Variants in BTBD9 observed in about 807,000 individuals in gnomAD.
BTBD9 encodes the protein BTB domain containing 9.
A neutral mutation model predicts 64.3 loss-of-function variants in BTBD9; 49 were observed. The ratio of observed to expected loss-of-function variants is 0.76; its 90% confidence interval spans 0.61 to 0.97. The LOEUF is 0.97. BTBD9 is among the 50% of genes least tolerant of loss of function. The pLI is 0.00. For synonymous variants in BTBD9, 260 were observed against 274.7 expected, an observed-to-expected ratio of 0.95 and a Z score of 0.53; for missense variants, 598 against 762.1, an observed-to-expected ratio of 0.78 and a Z score of 2.53.
chr6:38,241,769 T>C (rs1764000048), intron 9 of BTBD9, among the ~76,000 whole-genome samples: 1 of 152,214 alleles, frequency 6.6e-6, no homozygotes, highest in Non-Finnish European at 1.5e-5. Context: ...ATATGCTTTA[T>C]AGAGCTTGGC....
intron 4 of BTBD9, chr6:38,588,658 T>C (rs1776655191): frequency 4.8e-6 from 1 of 208,540 alleles, no homozygotes; most frequent in African/African-American, 2.3e-5. Flanking sequence ...TTTGTTGCTG[T>C]TAATTGAAAG....
At chr6:38,257,822 G>C (rs967723387) in intron 8 of BTBD9, among the ~76,000 whole-genome samples, 1 of 152,008 alleles carries the variant, frequency 6.6e-6, no homozygotes, top group African/African-American at 2.4e-5. Context: ...GGGAGGTATC[G>C]ACTAGGAAAG....
At position 38,288,325 on chromosome 6, in the gene BTBD9, T is replaced by G; in HGVS notation, c.1401A>C (p.Gly467=). Residue 467 remains glycine (G), a synonymous_variant, in exon 8 of 11, where the codon GGA becomes GGC. Coordinates refer to ENST00000481247, the MANE Select transcript of BTBD9 (RefSeq NM_001099272.2). The stretch of plus-strand genomic sequence containing the variant: ...CCAACTGAACCACAATCGCACCACT[T>G]CCTAGCTGGTGACATGTGTAGCCAG... ...WDSGYTCHQL[G]SGAIVVQLAQ... is the part of the protein sequence containing the mutation. The G allele has an allele frequency of 6.2e-7, 1 of 1,614,190 alleles. No homozygotes were observed. The highest frequency in any genetic ancestry group is 8.5e-7 in the Non-Finnish European group (1 of 1,180,022).
At chr6:38,569,007 A>G (rs557492770) in intron 6 of BTBD9, among the ~76,000 whole-genome samples, 2 of 152,336 alleles carry the variant, frequency 1.3e-5, no homozygotes, top group South Asian at 4.1e-4. Flanking sequence ...GGTAGGAATT[A>G]CGGGTGGGTA....
At chr6:38,468,616 G>C (rs1485584257) in intron 6 of BTBD9, among the ~76,000 whole-genome samples, 1 of 152,010 alleles carries the variant, frequency 6.6e-6, no homozygotes, top group African/African-American at 2.4e-5. Context: ...CAAACTGTAA[G>C]CCCCTTGAAG....
At position 38,334,538 on chromosome 6, in the gene BTBD9, C is replaced by T. The variant is rs1295050668; in HGVS notation, c.1264+10446G>A. Among the ~76,000 whole-genome samples, 4 of 151,948 alleles carry T rather than the reference C, an allele frequency of 2.6e-5. No homozygotes were observed. In the South Asian group the frequency reaches 8.3e-4, roughly 32 times the overall value. Reference sequence around the variant, plus strand: ...TTGTAGTGGTTGCACCACTGCACTCCAGCCTGGGTGACAGAGCGAGACTCC... The same window carrying T: ...TTGTAGTGGTTGCACCACTGCACTCTAGCCTGGGTGACAGAGCGAGACTCC... On this transcript the variant is annotated intron_variant, in intron 7 of 10. Transcript: ENST00000481247.
At chr6:38,547,553 C>T (rs1159870393) in intron 6 of BTBD9, among the ~76,000 whole-genome samples, 1 of 152,198 alleles carries the variant, frequency 6.6e-6, no homozygotes, top group Non-Finnish European at 1.5e-5. Context: ...TTTACTTGCT[C>T]CATCCACATT....
chr6:38,450,177 G>A (rs773793271), intron 6 of BTBD9, among the ~76,000 whole-genome samples: 36 of 152,278 alleles, frequency 2.4e-4, no homozygotes, highest in Admixed American at 5.9e-4. Context: ...GACAAATACT[G>A]CAGGATCTCA....
intron 10 of BTBD9, among the ~76,000 whole-genome samples, chr6:38,181,647 G>A (rs900669548): frequency 1.3e-5 from 2 of 152,136 alleles, no homozygotes; most frequent in African/African-American, 4.8e-5. Context: ...TATCCCTTTT[G>A]ATAAACCTTG....
At chr6:38,188,419 C>T (rs1398086021) in intron 10 of BTBD9, among the ~76,000 whole-genome samples, 2 of 152,218 alleles carry the variant, frequency 1.3e-5, no homozygotes, top group Admixed American at 6.5e-5. Flanking sequence ...CTGCTCTGCC[C>T]GCCTCTCTCT....
chr6:38,502,340 T>C (rs1772247891), intron 6 of BTBD9, among the ~76,000 whole-genome samples: 1 of 152,268 alleles, frequency 6.6e-6, no homozygotes. Flanking sequence ...TTTTTTTCCA[T>C]GGTGTATTCT....
intron 10 of BTBD9, among the ~76,000 whole-genome samples, chr6:38,178,303 G>A (rs1395160576): frequency 6.6e-6 from 1 of 152,160 alleles, no homozygotes; most frequent in East Asian, 1.9e-4. Flanking sequence ...CAGGTGACAG[G>A]TGGGGAGGGA....
chr6:38,198,030 T>TA (rs971468223), intron 9 of BTBD9, among the ~76,000 whole-genome samples: 8 of 152,166 alleles, frequency 5.3e-5, no homozygotes, highest in Non-Finnish European at 1.2e-4. Context: ...TTGATTAAAA[T>TA]AAAAAAGACT....
At chr6:38,182,976 GTCT>G (rs1418442884) in intron 10 of BTBD9, among the ~76,000 whole-genome samples, 6 of 127,312 alleles carry the variant, frequency 4.7e-5, no homozygotes, top group South Asian at 2.4e-4. Context: ...CCCACAAAAG[GTCT>G]TCTTTTTTTT....
chr6:38,223,772 CT>C (rs1229508772), intron 9 of BTBD9, among the ~76,000 whole-genome samples: 588 of 145,272 alleles, frequency 4.0e-3, no homozygotes, highest in Admixed American at 4.3e-3. Context: ...TTGGATTCTC[CT>C]TTTTTTTTTT....
chr6:38,270,653 C>G (rs1401487664), intron 8 of BTBD9, among the ~76,000 whole-genome samples: 6 of 152,144 alleles, frequency 3.9e-5, no homozygotes, highest in Admixed American at 2.6e-4. Flanking sequence ...TATGAATAGC[C>G]TGGGGGAAAT....
At chr6:38,506,354 C>T (rs938832805) in intron 6 of BTBD9, among the ~76,000 whole-genome samples, 2 of 152,344 alleles carry the variant, frequency 1.3e-5, no homozygotes, top group Admixed American at 1.3e-4. Flanking sequence ...AATCATCTAA[C>T]ACAAAGCTTG....
In BTBD9 at chr6:38,426,832, C is replaced by T. The variant is rs575808566; in HGVS notation, c.1155-81739G>A. 3.3e-5 allele frequency among the ~76,000 whole-genome samples: 5 copies of T among 151,940 alleles called. No homozygotes were observed. In the South Asian group the frequency reaches 8.3e-4, roughly 25 times the overall value. Reference sequence around the variant, plus strand: ...AGGCCAAGAACCCCAGGTCAGAGAACACGAGGCTTGCCACCATCTCGGAAG... The same window carrying T: ...AGGCCAAGAACCCCAGGTCAGAGAATACGAGGCTTGCCACCATCTCGGAAG... On this transcript the variant is annotated intron_variant, in intron 6 of 10. Coordinates refer to ENST00000481247, the MANE Select transcript of BTBD9 (RefSeq NM_001099272.2).
chr6:38,414,309 AGGT>A (rs1257257271), intron 6 of BTBD9, among the ~76,000 whole-genome samples: 2 of 152,166 alleles, frequency 1.3e-5, no homozygotes, highest in Non-Finnish European at 2.9e-5. Flanking sequence ...GTCATCCAGA[AGGT>A]ATTCTCTCAT....
Sources: gnomAD v4.1 joint callset for allele counts (sites outside exome capture counted in the v4.1 genomes callset) on GRCh38, gnomAD v4.1.1 for gene constraint, MANE v1.5 for transcripts, NCBI Gene and HGNC (gene_info 2026-07-23, HGNC 2026-07-21) for gene names.